Variants in C6 observed in about 807,000 individuals in gnomAD.
C6 encodes complement C6.
Under a neutral mutation model 112.9 loss-of-function variants are expected in C6, and 101 were observed. That is an observed-to-expected ratio of 0.89 (90% CI 0.76 to 1.06). C6 has a LOEUF of 1.06. Among genes scored for constraint, C6 ranks in the 50% least tolerant of loss-of-function variants. The probability of loss-of-function intolerance (pLI) is 0.00; values close to 1 mark genes in which losing one functional copy is unlikely to be tolerated. For missense variants in C6, 1,202 were observed against 1,104.6 expected, an observed-to-expected ratio of 1.09 and a Z score of -1.25; for synonymous variants, 431 against 384.1, an observed-to-expected ratio of 1.12 and a Z score of -1.43.
intron 1 of C6, among the ~76,000 whole-genome samples, chr5:41,246,562 C>T (rs941626050): frequency 2.0e-5 from 3 of 152,194 alleles, no homozygotes; most frequent in Non-Finnish European, 4.4e-5. Flanking sequence ...CGTGACAGCA[C>T]AGTCATAGGT....
At chr5:41,176,348 T>C (rs1416482104) in intron 8 of C6, 127 bp downstream of exon 8, 22 of 970,086 alleles carry the variant, frequency 2.3e-5, no homozygotes, top group Non-Finnish European at 3.0e-6. Context: ...TCATTCTTCA[T>C]ATCATTTTGG....
chr5:41,151,484 T>C (rs1746387443), intron 15 of C6, among the ~76,000 whole-genome samples: 2 of 152,226 alleles, frequency 1.3e-5, no homozygotes, highest in Admixed American at 1.3e-4. Context: ...AGTTCCCTAC[T>C]GTAGATGTTG....
In C6 at chr5:41,147,388, C is replaced by T. The variant is rs1468663148; in HGVS notation, c.2623+1853G>A. ...GACATGGCATGAAGGTTGAAAACCC[C>T]AGATACTGGCATCCTGAGTTGTCAC... On this transcript the variant is annotated intron_variant, in intron 17 of 17. Transcript: ENST00000337836. Among the ~76,000 whole-genome samples the T allele has an allele frequency of 2.6e-5, 4 of 152,248 alleles. No homozygotes were observed. The East Asian group carries it at 5.8e-4, about 22-fold the overall frequency.
chr5:41,195,986 T>C (rs1750589709), intron 4 of C6, 53 bp from the exon 5 acceptor site: 2 of 1,601,246 alleles, frequency 1.2e-6, no homozygotes, highest in South Asian at 2.2e-5. Flanking sequence ...TTTTAGAAAG[T>C]ATTTATTAAT....
intron 6 of C6, among the ~76,000 whole-genome samples, chr5:41,185,504 C>A (rs1029302580): frequency 1.3e-4 from 20 of 152,198 alleles, no homozygotes; most frequent in Admixed American, 1.2e-3. Context: ...GGAGCACTTA[C>A]GTGTAAAGCA....
At chr5:41,234,364 G>GT (rs70988840) in intron 1 of C6, among the ~76,000 whole-genome samples, 13,835 of 122,784 alleles carry the variant, frequency 0.11, 1,123 homozygotes, top group African/African-American at 0.24. Flanking sequence ...TTTGTTTTTT[G>GT]TTTTTTTTTT....
chr5:41,231,994 T>A (rs555387150), intron 1 of C6, among the ~76,000 whole-genome samples: 1 of 152,222 alleles, frequency 6.6e-6, no homozygotes, highest in African/African-American at 2.4e-5. Flanking sequence ...GATGACTATA[T>A]CTGTTTTTTC....
chr5:41,191,218 C>T (rs1006979346), intron 5 of C6, among the ~76,000 whole-genome samples: 3 of 151,922 alleles, frequency 2.0e-5, no homozygotes, highest in Non-Finnish European at 4.4e-5. Context: ...AGATGCCCAC[C>T]ACCACGCCTG....
At chr5:41,220,582 A>C (rs898856616) in intron 1 of C6, among the ~76,000 whole-genome samples, 2 of 152,006 alleles carry the variant, frequency 1.3e-5, no homozygotes, top group Non-Finnish European at 2.9e-5. Flanking sequence ...TTTTACTATA[A>C]CCATATGAGT....
intron 5 of C6, among the ~76,000 whole-genome samples, chr5:41,187,699 T>TAAACACACACAC: frequency 8.1e-6 from 1 of 123,330 alleles, no homozygotes; most frequent in African/African-American, 3.0e-5. Context: ...GACACACACA[T>TAAACACACACAC]ACACACACAC....
intron 1 of C6, among the ~76,000 whole-genome samples, chr5:41,224,829 A>G (rs1018379406): frequency 1.3e-5 from 2 of 152,000 alleles, no homozygotes; most frequent in Non-Finnish European, 2.9e-5. Flanking sequence ...CTGTCAAATT[A>G]TTTTCTGTAG....
chr5:41,188,762 T>A (rs1356192643), intron 5 of C6, among the ~76,000 whole-genome samples: 1 of 151,824 alleles, frequency 6.6e-6, no homozygotes, highest in African/African-American at 2.4e-5. Flanking sequence ...AAAGAAGAAA[T>A]AAATATATTG....
At chr5:41,251,492 T>C (rs1741360294) in intron 1 of C6, among the ~76,000 whole-genome samples, 1 of 152,196 alleles carries the variant, frequency 6.6e-6, no homozygotes, top group South Asian at 2.1e-4. Flanking sequence ...CCACCAACCC[T>C]GTAGTCATGA....
At chr5:41,220,284 A>G (rs979242044) in intron 1 of C6, among the ~76,000 whole-genome samples, 2 of 152,196 alleles carry the variant, frequency 1.3e-5, no homozygotes, top group East Asian at 3.9e-4. Context: ...TTATGCAGAT[A>G]GTGTATTATT....
At chr5:41,198,630 C>T (rs1046556746) in intron 4 of C6, among the ~76,000 whole-genome samples, 1 of 152,108 alleles carries the variant, frequency 6.6e-6, no homozygotes, top group African/African-American at 2.4e-5. Context: ...ATCAGCTGTG[C>T]TTACACTGCT....
chr5:41,239,381 G>T (rs1386237456), intron 1 of C6, among the ~76,000 whole-genome samples: 1 of 151,998 alleles, frequency 6.6e-6, no homozygotes, highest in Non-Finnish European at 1.5e-5. Flanking sequence ...CAAAGTGCTG[G>T]GGTTACAGGG....
chr5:41,210,077 T>A (rs1395775677), intron 1 of C6, among the ~76,000 whole-genome samples: 1 of 152,178 alleles, frequency 6.6e-6, no homozygotes, highest in African/African-American at 2.4e-5. Context: ...TCTACAGCCA[T>A]CTGATCTTTG....
In C6 at chr5:41,149,296, G is replaced by T. The variant is rs1359801395; in HGVS notation, c.2568C>A (p.Ser856Arg). The T allele has an allele frequency of 1.2e-6, 2 of 1,613,988 alleles. No homozygotes were observed. The highest frequency in any genetic ancestry group is 1.7e-6 in the Non-Finnish European group (2 of 1,179,924). ...CATAGCCACAGGATTCTTTCTTTGTGCTGTTGGATGAAAGTCTTGTCCTTT... is the reference window on the plus strand; with the variant it reads ...CATAGCCACAGGATTCTTTCTTTGTTCTGTTGGATGAAAGTCTTGTCCTTT... ...GLERTRLSSNSTKKESCGYDT... is the reference protein window; with the variant it reads ...GLERTRLSSNRTKKESCGYDT... Residue 856 changes from serine (S) to arginine (R), a missense_variant, in exon 17 of 18, where the codon AGC (serine) becomes AGA (arginine). Ser to Arg is a moderately radical substitution (Grantham distance 110). Coordinates refer to ENST00000337836, the MANE Select transcript of C6 (RefSeq NM_000065.5).
intron 1 of C6, among the ~76,000 whole-genome samples, chr5:41,208,052 G>T (rs1751581852): frequency 6.6e-6 from 1 of 152,178 alleles, no homozygotes; most frequent in African/African-American, 2.4e-5. Context: ...AATCAAACTA[G>T]AACTCAGGGT....
Sources: gnomAD v4.1 joint callset for allele counts (sites outside exome capture counted in the v4.1 genomes callset) on GRCh38, gnomAD v4.1.1 for gene constraint, MANE v1.5 for transcripts, NCBI Gene and HGNC (gene_info 2026-07-23, HGNC 2026-07-21) for gene names.